The following KYNU variants were observed in gnomAD, a reference collection of about 807,000 sequenced individuals.
The protein encoded by KYNU is L-kynurenine hydrolase.
KYNU carries 54 observed loss-of-function variants against 59.2 expected under a neutral mutation model. That is an observed-to-expected ratio of 0.91 (90% confidence interval 0.73 to 1.14). KYNU has a LOEUF of 1.14. KYNU is among the 50% of genes most tolerant of loss of function. The pLI is 0.00. For missense variants in KYNU, 567 were observed against 554.4 expected (o/e 1.02, Z -0.23); for synonymous variants, 177 against 192.0 (o/e 0.92, Z 0.65).
chr2:143,006,899 C>A (rs1439754536), intron 10 of KYNU, among the ~76,000 whole-genome samples: 1 of 152,040 alleles, frequency 6.6e-6, no homozygotes, highest in Non-Finnish European at 1.5e-5. Context: ...CACCAAAAAC[C>A]CATCTGTACA....
At position 143,048,661 on chromosome 2, in the gene KYNU, T is replaced by G. The variant is rs1558992193; in HGVS notation, c.*6489T>G. ...ATTTTCTCATTACTTAAAAATAGTT[T>G]CACTTCATATAGAATTCTATGTCGA... is the stretch of plus-strand genomic sequence containing the variant. On this transcript the variant is annotated 3_prime_UTR_variant, in exon 14 of 14. Transcript: ENST00000264170. 1 of 152,230 alleles carries G rather than the reference T, an allele frequency of 6.6e-6. No homozygotes were observed. The highest frequency in any genetic ancestry group is 1.5e-5 in the Non-Finnish European group (1 of 68,032). The allele number at this position is 152,230 out of a possible 1,614,324, so 9.4% of individuals were successfully genotyped here. A position where few individuals can be genotyped will look rare whatever the true frequency, so the allele number is the denominator to read the frequency against.
At chr2:142,960,188 T>C (rs1159383332) in intron 7 of KYNU, among the ~76,000 whole-genome samples, 1 of 152,178 alleles carries the variant, frequency 6.6e-6, no homozygotes, top group Non-Finnish European at 1.5e-5. Flanking sequence ...ACCCGGCATG[T>C]TTTCTTTTTT....
intron 10 of KYNU, among the ~76,000 whole-genome samples, chr2:142,995,617 TG>T (rs1278486181): frequency 1.3e-5 from 2 of 152,104 alleles, no homozygotes; most frequent in Non-Finnish European, 2.9e-5. Flanking sequence ...TGGCATGGCA[TG>T]CCATGCCAAG....
At chr2:143,001,574 C>T (rs375674975) in intron 10 of KYNU, among the ~76,000 whole-genome samples, 5 of 152,260 alleles carry the variant, frequency 3.3e-5, no homozygotes, top group East Asian at 1.9e-4. Flanking sequence ...TTCCAGGGAC[C>T]GAGCATCTCA....
intron 10 of KYNU, among the ~76,000 whole-genome samples, chr2:143,017,364 C>A (rs769771286): frequency 2.0e-5 from 3 of 150,752 alleles, no homozygotes; most frequent in African/African-American, 2.4e-5. Flanking sequence ...CCACCAACAG[C>A]GTATAACTGT....
chr2:143,012,760 G>A (rs1324783503), intron 10 of KYNU, among the ~76,000 whole-genome samples: 1 of 151,828 alleles, frequency 6.6e-6, no homozygotes, highest in Admixed American at 6.6e-5. Context: ...TAATACAATT[G>A]TACTACCCAT....
chr2:142,943,333 C>T (rs534454475), intron 4 of KYNU, among the ~76,000 whole-genome samples: 1 of 152,034 alleles, frequency 6.6e-6, no homozygotes, highest in East Asian at 1.9e-4. Flanking sequence ...TTTAATTTAC[C>T]ATAAAAAATT....
intron 10 of KYNU, among the ~76,000 whole-genome samples, chr2:143,024,898 C>T (rs1028702873): frequency 2.0e-5 from 3 of 152,050 alleles, no homozygotes; most frequent in Non-Finnish European, 4.4e-5. Context: ...TATCTGCTTA[C>T]TAAATTTGTC....
At chr2:142,950,333 T>A (rs1683946265) in intron 4 of KYNU, among the ~76,000 whole-genome samples, 1 of 152,248 alleles carries the variant, frequency 6.6e-6, no homozygotes, top group South Asian at 2.1e-4. Flanking sequence ...ATTTACTGTA[T>A]TAGTCTGTTT....
intron 4 of KYNU, among the ~76,000 whole-genome samples, chr2:142,939,507 C>T (rs62169869): frequency 0.27 from 39,654 of 147,250 alleles, 6,364 homozygotes; most frequent in South Asian, 0.42. Flanking sequence ...GAGGCTGAGG[C>T]AGGAGAATCG....
Position 142,910,752 on chromosome 2 carries a change from G to C in KYNU, c.170-7857G>C, listed in dbSNP as rs574955287. On this transcript the variant is annotated intron_variant, in intron 2 of 13. Transcript: ENST00000264170. Reference sequence around the variant, plus strand: ...CCATCTTGAGTCAATAATTGTATTTGGTGAAAGGTAGGGGTCCAGTTCCAT... The same window carrying C: ...CCATCTTGAGTCAATAATTGTATTTCGTGAAAGGTAGGGGTCCAGTTCCAT... Among the ~76,000 whole-genome samples, 6 of 152,242 alleles carry C rather than the reference G, an allele frequency of 3.9e-5. No homozygotes were observed. In the East Asian group the frequency reaches 1.2e-3, roughly 29 times the overall value.
At chr2:142,949,126 G>C (rs926684818) in intron 4 of KYNU, among the ~76,000 whole-genome samples, 1 of 152,236 alleles carries the variant, frequency 6.6e-6, no homozygotes, top group African/African-American at 2.4e-5. Flanking sequence ...TGCTATGCAA[G>C]AGGTGGGTTC....
At chr2:142,913,045 G>A (rs926564795) in intron 2 of KYNU, among the ~76,000 whole-genome samples, 8 of 152,044 alleles carry the variant, frequency 5.3e-5, no homozygotes, top group Admixed American at 3.3e-4. Context: ...TAGTTGTAAT[G>A]TCATCTTTGT....
chr2:142,962,371 T>C (rs1222039507), intron 8 of KYNU, among the ~76,000 whole-genome samples: 6 of 152,208 alleles, frequency 3.9e-5, no homozygotes, highest in African/African-American at 1.2e-4. Context: ...AGGTTCAGTG[T>C]GAGAATGATG....
intron 10 of KYNU, among the ~76,000 whole-genome samples, chr2:142,998,262 G>T (rs1283714145): frequency 1.3e-5 from 2 of 152,126 alleles, no homozygotes; most frequent in African/African-American, 2.4e-5. Flanking sequence ...AATGATTTAT[G>T]AGCCCATTGT....
intron 8 of KYNU, among the ~76,000 whole-genome samples, chr2:142,975,577 T>A (rs1368331849): frequency 6.6e-6 from 1 of 152,132 alleles, no homozygotes; most frequent in Non-Finnish European, 1.5e-5. Flanking sequence ...CTACCATGGG[T>A]CTGGAGCCCA....
In KYNU at chr2:142,891,392, A is replaced by T. The variant is rs192614298; in HGVS notation, c.169+5856A>T. ...CTATTAAACTATATTTGGAGAAAAA[A>T]AAACGGTGCTGCTTTCAATATTCTT... On this transcript the variant is annotated intron_variant, in intron 2 of 13. Transcript: ENST00000264170. Among the ~76,000 whole-genome samples the T allele has an allele frequency of 1.4e-3, 213 of 152,320 alleles. 1 individual carries two copies. The highest frequency in any genetic ancestry group is 4.7e-3 in the African/African-American group (196 of 41,578).
chr2:143,037,122 C>A (rs1485587618), intron 12 of KYNU, among the ~76,000 whole-genome samples: 1 of 151,914 alleles, frequency 6.6e-6, no homozygotes, highest in African/African-American at 2.4e-5. Context: ...TTATCTGAAT[C>A]ATTTATACAA....
chr2:142,892,365 G>A (rs1681743726), intron 2 of KYNU, among the ~76,000 whole-genome samples: 1 of 152,232 alleles, frequency 6.6e-6, no homozygotes, highest in Non-Finnish European at 1.5e-5. Context: ...GCAGACCTTA[G>A]TGTGGAGTGA....
Sources: allele counts gnomAD v4.1 joint callset (sites outside exome capture counted in the v4.1 genomes callset), GRCh38; gene constraint gnomAD v4.1.1; transcripts MANE v1.5; gene names NCBI Gene and HGNC (gene_info 2026-07-23, HGNC 2026-07-21).